The following NEB variants were observed in gnomAD, a reference collection of about 807,000 sequenced individuals.
NEB encodes the protein nebulin.
Under a neutral mutation model 952.2 loss-of-function variants are expected in NEB, and 512 were observed. That is an observed-to-expected ratio of 0.54 (90% CI 0.50 to 0.58). NEB has a LOEUF of 0.58. NEB is among the 20% of genes least tolerant of loss of function. The pLI, the probability that NEB is intolerant of heterozygous loss-of-function variation, is 0.00. For synonymous variants in NEB, 2,900 were observed against 3,149.8 expected, an observed-to-expected ratio of 0.92 and a Z score of 2.66; for missense variants, 8,428 against 9,231.1, an observed-to-expected ratio of 0.91 and a Z score of 3.56.
chr2:151,722,925 T>C (rs2099779083), intron 9 of NEB, among the ~76,000 whole-genome samples: 1 of 152,182 alleles, frequency 6.6e-6, no homozygotes, highest in South Asian at 2.1e-4. Flanking sequence ...TTGGACTTGA[T>C]GATTAGAATA....
chr2:151,724,820 C>T lies in NEB; in HGVS notation c.507+37G>A, dbSNP rs560608623. 5 of 1,546,394 alleles carry T rather than the reference C, an allele frequency of 3.2e-6. No homozygotes were observed. The South Asian group carries it at 5.8e-5, about 18-fold the overall frequency. ...AGACAATGCAGAGGTGATGCACATG[C>T]TACTGAGTACCCCAGCCATCCATAT... On this transcript the variant is annotated intron_variant, in intron 7 of 181. Coordinates refer to ENST00000397345, the MANE Select transcript of NEB (RefSeq NM_001164508.2).
chr2:151,665,328 C>A lies in NEB; in HGVS notation c.5238+5G>T, dbSNP rs776420416. On this transcript the variant is annotated splice_donor_5th_base_variant and intron_variant, in intron 42 of 181. Coordinates refer to ENST00000397345, the MANE Select transcript of NEB (RefSeq NM_001164508.2). The stretch of plus-strand genomic sequence containing the variant: ...CCTGGGCGAGGCTGGCAGGTGAGTC[C>A]TTACCTTGTCCATGTTCAGTTTGTT... The A allele has an allele frequency of 5.6e-6, 9 of 1,613,290 alleles. No individual in the cohort carries two copies. The East Asian group carries it at 1.8e-4, about 32-fold the overall frequency.
At position 151,541,490 on chromosome 2, in the gene NEB, G is replaced by T. The variant is rs769619880; in HGVS notation, c.20639C>A (p.Pro6880His). Reference sequence around the variant, plus strand: ...CCCTCGCTTGGCTCTTAAAAGATCAGGAGTATCAGGAACTGAAGTAAAGAT... The same window carrying T: ...CCCTCGCTTGGCTCTTAAAAGATCATGAGTATCAGGAACTGAAGTAAAGAT... Reference protein sequence around the residue: ...KSIFTSVPDTPDLLRAKRGQK... With the variant: ...KSIFTSVPDTHDLLRAKRGQK... The change falls in exon 136 of 182, where the codon CCT (proline) becomes CAT (histidine). Residue 6880 changes from proline to histidine, a missense_variant. By Grantham distance (77) the Pro-to-His change is moderately conservative. Coordinates refer to ENST00000397345, the MANE Select transcript of NEB (RefSeq NM_001164508.2). 1.2e-5 allele frequency: 19 copies of T among 1,613,434 alleles called. No individual in the cohort carries two copies. In the South Asian group the frequency reaches 2.1e-4, roughly 18 times the overall value.
intron 162 of NEB, 54 bp from the exon 163 acceptor site, chr2:151,507,067 T>G: frequency 9.1e-7 from 1 of 1,101,248 alleles, no homozygotes; most frequent in Non-Finnish European, 1.4e-6. Context: ...TTTGTTTTCT[T>G]TATTTGTCCT....
chr2:151,639,594 A>G (rs942332299), intron 62 of NEB, among the ~76,000 whole-genome samples: 1 of 152,240 alleles, frequency 6.6e-6, no homozygotes, highest in Non-Finnish European at 1.5e-5. Flanking sequence ...TGTTAACAAA[A>G]GGAAAATGAG....
At chr2:151,575,340 A>G (rs1436546714) in intron 107 of NEB, among the ~76,000 whole-genome samples, 1 of 152,138 alleles carries the variant, frequency 6.6e-6, no homozygotes, top group Non-Finnish European at 1.5e-5. Context: ...TAATTCATAT[A>G]TTTTTACAAA....
chr2:151,490,227 C>A, intron 180 of NEB, 145 bp downstream of exon 180: 1 of 1,174,480 alleles, frequency 8.5e-7, no homozygotes, highest in South Asian at 1.6e-5. Flanking sequence ...TAACTTCATG[C>A]AGCCCTCCAC....
rs768123118 is a variant in NEB at position 151,563,641 on chromosome 2, C to T, written c.18658G>A (p.Val6220Ile). ...ATCTTTTGGAAATCCAGACAGTGAA[C>T]CACACCAGGGAATTCACCGATCACT... ...GKVIGEFPGV[V>I]HCLDFQKMRS... The change falls in exon 119 of 182, where the codon GTT becomes ATT. Residue 6220 changes from valine (V) to isoleucine (I), a missense_variant. Coordinates refer to ENST00000397345, the MANE Select transcript of NEB (RefSeq NM_001164508.2). 2 of 1,613,828 alleles carry T rather than the reference C, an allele frequency of 1.2e-6. No individual in the cohort carries two copies. The highest frequency in any genetic ancestry group is 1.7e-6 in the Non-Finnish European group (2 of 1,179,752).
rs749577487 is a variant in NEB at position 151,540,819 on chromosome 2, G to A, written c.20683-18C>T. The A allele has an allele frequency of 9.5e-6, 15 of 1,577,740 alleles. No individual in the cohort carries two copies. The highest frequency in any genetic ancestry group is 1.2e-5 in the Non-Finnish European group (14 of 1,147,154). ...TACAGATACTGAATAATAGAAGAAA[G>A]TGAGGTGTCATAGAGATAAAGCATT... is the stretch of plus-strand genomic sequence containing the variant. On this transcript the variant is annotated intron_variant, in intron 136 of 181. Transcript: ENST00000397345.
Position 151,682,689 on chromosome 2 carries a change from T to A in NEB, c.2916A>T (p.Ala972=). 6.2e-7 allele frequency: 1 copy of A among 1,613,242 alleles called. No individual in the cohort carries two copies. Among genetic ancestry groups the A allele is most frequent in the Non-Finnish European group, 8.5e-7 (1 of 1,179,482 alleles). The change falls in exon 29 of 182, where the codon GCA becomes GCT. Residue 972 remains alanine, a synonymous_variant. Transcript: ENST00000397345. ...CATTGAGGATGTCTGAAGCTCGCTT[T>A]GCCTTTTCCATTTCTAAGGACCCAA... The part of the protein sequence containing the change: ...VPFGSLEMEK[A]KRASDILNEK...
chr2:151,680,813 G>T lies in NEB; in HGVS notation c.2959C>A (p.His987Asn). 1.2e-6 allele frequency: 2 copies of T among 1,612,524 alleles called. No homozygotes were observed. The highest frequency in any genetic ancestry group is 1.7e-4 in the Middle Eastern group (1 of 6,058). ...GAGGTAAACTTGAGGGTGTCTGGAT[G>T]TTGGCGATATTTTTTCTGTTTGGCA... ...DILNEKKYRQ[H>N]PDTLKFTSIE... Residue 987 changes from histidine to asparagine, a missense_variant, in exon 30 of 182, where the codon CAT becomes AAT. Transcript: ENST00000397345.
At chr2:151,654,215 C>T (rs2099061646) in intron 51 of NEB, 116 bp from the exon 52 acceptor site, 1 of 519,424 alleles carries the variant, frequency 1.9e-6, no homozygotes, top group Non-Finnish European at 3.3e-6. Context: ...TCTACCCTAT[C>T]TTTAAAGATA....
At chr2:151,555,097 T>C in intron 124 of NEB, 53 bp from the exon 125 acceptor site, 1 of 1,272,828 alleles carries the variant, frequency 7.9e-7, no homozygotes, top group Non-Finnish European at 1.1e-6. Flanking sequence ...AATGGATTTA[T>C]ATTATTAAAA....
chr2:151,716,624 C>T (rs1240721710), intron 10 of NEB, among the ~76,000 whole-genome samples: 1 of 152,022 alleles, frequency 6.6e-6, no homozygotes. Context: ...CACTAATAAA[C>T]ATCACTGAAT....
At chr2:151,625,665 T>A (rs774427058) in intron 70 of NEB, 27 bp from the exon 71 acceptor site, 1 of 1,484,104 alleles carries the variant, frequency 6.7e-7, no homozygotes, top group East Asian at 2.3e-5. Flanking sequence ...GGTTAATGAA[T>A]TAGAAAAACA....
At chr2:151,659,983 G>A (rs1486830870) in intron 46 of NEB, among the ~76,000 whole-genome samples, 1 of 152,136 alleles carries the variant, frequency 6.6e-6, no homozygotes, top group African/African-American at 2.4e-5. Flanking sequence ...GATCCTTGTG[G>A]TGGACATGGA....
Position 151,492,465 on chromosome 2 carries a change from T to C in NEB, c.24795A>G (p.Gln8265=). 1.2e-6 allele frequency: 2 copies of C among 1,613,556 alleles called. No homozygotes were observed. Among genetic ancestry groups the C allele is most frequent in the African/African-American group, 1.3e-5 (1 of 75,012 alleles). ...ATACATAGGCAGCTTTGCCTTGTAT[T>C]TGTTTCCGGAAACTATCAGAATAAA... is the stretch of plus-strand genomic sequence containing the variant. ...SVLYSDSFRK[Q]IQGKAAYVLD... is the part of the protein sequence containing the mutation. Residue 8265 remains glutamine, a synonymous_variant, in exon 177 of 182, where the codon CAA becomes CAG. Coordinates refer to ENST00000397345, the MANE Select transcript of NEB (RefSeq NM_001164508.2).
intron 127 of NEB, among the ~76,000 whole-genome samples, 196 bp downstream of exon 127, chr2:151,553,202 C>T (rs2095438429): frequency 6.6e-6 from 1 of 152,182 alleles, no homozygotes. Flanking sequence ...AGGACGATGG[C>T]ACACCTGGAC....
chr2:151,673,305 G>A (rs563351070), intron 36 of NEB, among the ~76,000 whole-genome samples: 1 of 152,260 alleles, frequency 6.6e-6, no homozygotes, highest in African/African-American at 2.4e-5. Flanking sequence ...TTATGCAAGA[G>A]AATTCAAATC....
Sources: gnomAD v4.1 joint callset for allele counts (sites outside exome capture counted in the v4.1 genomes callset) on GRCh38, gnomAD v4.1.1 for gene constraint, MANE v1.5 for transcripts, NCBI Gene and HGNC (gene_info 2026-07-23, HGNC 2026-07-21) for gene names.